CACNA2D3: variants seen among roughly 807,000 people sequenced by gnomAD.
The protein encoded by CACNA2D3 is voltage-dependent calcium channel subunit alpha-2/delta-3.
A neutral mutation model predicts 160.6 loss-of-function variants in CACNA2D3; 60 were observed. That is an observed-to-expected ratio of 0.37 (90% CI 0.30 to 0.46). The LOEUF (loss-of-function observed/expected upper bound fraction) is 0.46. Among genes scored for constraint, CACNA2D3 ranks in the 20% least tolerant of loss-of-function variants. The pLI, the probability that CACNA2D3 is intolerant of heterozygous loss-of-function variation, is 1.00. For synonymous variants in CACNA2D3, 558 were observed against 492.9 expected, an observed-to-expected ratio of 1.13 and a Z score of -1.75; for missense variants, 1,205 against 1,365.0, an observed-to-expected ratio of 0.88 and a Z score of 1.85.
At chr3:54,134,612 G>C (rs1357257551) in intron 2 of CACNA2D3, among the ~76,000 whole-genome samples, 1 of 152,206 alleles carries the variant, frequency 6.6e-6, no homozygotes, top group Non-Finnish European at 1.5e-5. Context: ...GGGCATGGAT[G>C]CTGCAAAAAG....
intron 4 of CACNA2D3, among the ~76,000 whole-genome samples, chr3:54,457,165 T>C (rs1352603431): frequency 6.6e-6 from 1 of 151,980 alleles, no homozygotes; most frequent in African/African-American, 2.4e-5. Context: ...TTATTTGAAA[T>C]CTTTCTAGTT....
intron 2 of CACNA2D3, among the ~76,000 whole-genome samples, chr3:54,171,507 A>G (rs915286262): frequency 2.6e-5 from 4 of 152,158 alleles, no homozygotes; most frequent in African/African-American, 4.8e-5. Flanking sequence ...GAAATATTTT[A>G]TCTCCAACTC....
intron 2 of CACNA2D3, among the ~76,000 whole-genome samples, chr3:54,201,383 A>T (rs1014688386): frequency 1.3e-5 from 2 of 152,196 alleles, no homozygotes; most frequent in Non-Finnish European, 2.9e-5. Flanking sequence ...TTGAATAAGA[A>T]TATTGCTCTA....
intron 13 of CACNA2D3, among the ~76,000 whole-genome samples, chr3:54,812,800 G>A (rs760713530): frequency 6.6e-6 from 1 of 152,110 alleles, no homozygotes; most frequent in Non-Finnish European, 1.5e-5. Flanking sequence ...TCCTGACTGG[G>A]GTGACCTTGG....
intron 2 of CACNA2D3, among the ~76,000 whole-genome samples, chr3:54,293,632 C>G (rs1267135096): frequency 6.6e-6 from 1 of 151,828 alleles, no homozygotes; most frequent in African/African-American, 2.4e-5. Context: ...AAGGAACAAG[C>G]TAGAGGCATA....
At chr3:54,246,908 A>G (rs1229278364) in intron 2 of CACNA2D3, among the ~76,000 whole-genome samples, 3 of 152,240 alleles carry the variant, frequency 2.0e-5, no homozygotes, top group Non-Finnish European at 4.4e-5. Context: ...TGTATAAAGG[A>G]TGGAGGTGTA....
chr3:54,280,691 C>T (rs1461522003), intron 2 of CACNA2D3, among the ~76,000 whole-genome samples: 3 of 152,182 alleles, frequency 2.0e-5, no homozygotes, highest in Admixed American at 1.3e-4. Flanking sequence ...AACAACCCTT[C>T]CCGACTCTGT....
chr3:54,927,631 C>T (rs779006031), intron 27 of CACNA2D3, among the ~76,000 whole-genome samples: 27 of 152,224 alleles, frequency 1.8e-4, no homozygotes, highest in Middle Eastern at 6.8e-3. Context: ...GAATAATATA[C>T]GAACTCCAAC....
chr3:54,399,923 C>G lies in CACNA2D3; in HGVS notation c.381+13149C>G, dbSNP rs1420254602. Among the ~76,000 whole-genome samples, 3 of 120,948 alleles carry G rather than the reference C, an allele frequency of 2.5e-5. 1 individual carries two copies. The highest frequency in any genetic ancestry group is 3.2e-5 in the African/African-American group (1 of 30,928). The allele number at this position is 120,948 out of a possible 152,430, so 79.3% of individuals were successfully genotyped here. On this transcript the variant is annotated intron_variant, in intron 4 of 37. Coordinates refer to ENST00000474759, the MANE Select transcript of CACNA2D3 (RefSeq NM_018398.3). ...CCTCGTTGCCGCCTTGCAGTTTGAT[C>G]TCAGACTGCTGTGCTAGCAATCAGC... is the stretch of plus-strand genomic sequence containing the variant.
intron 13 of CACNA2D3, among the ~76,000 whole-genome samples, chr3:54,797,504 G>T (rs1440539839): frequency 2.0e-5 from 3 of 152,170 alleles, no homozygotes; most frequent in African/African-American, 7.2e-5. Flanking sequence ...TCTGAGGACA[G>T]CATTTAAAGT....
intron 4 of CACNA2D3, among the ~76,000 whole-genome samples, chr3:54,445,555 T>TATACACACACAC (rs1491119916): frequency 6.8e-6 from 1 of 147,110 alleles, no homozygotes; most frequent in Admixed American, 6.8e-5. Flanking sequence ...TTTCTATGTA[T>TATACACACACAC]ACACACACAC....
At chr3:54,643,312 C>G (rs1452221780) in intron 11 of CACNA2D3, among the ~76,000 whole-genome samples, 2 of 152,188 alleles carry the variant, frequency 1.3e-5, no homozygotes, top group African/African-American at 4.8e-5. Context: ...TCTATATTCC[C>G]TTAGTCACTG....
At chr3:54,319,193 CA>C (rs1176923277) in intron 2 of CACNA2D3, among the ~76,000 whole-genome samples, 2 of 150,954 alleles carry the variant, frequency 1.3e-5, no homozygotes, top group African/African-American at 2.4e-5. Flanking sequence ...CACACACACA[CA>C]CACACACCCT....
chr3:54,136,690 C>T (rs1046553345), intron 2 of CACNA2D3, among the ~76,000 whole-genome samples: 5 of 152,212 alleles, frequency 3.3e-5, no homozygotes, highest in African/African-American at 4.8e-5. Flanking sequence ...TTTATACTGC[C>T]GACCCTGCTG....
chr3:54,950,571 A>C (rs543389061), intron 27 of CACNA2D3, among the ~76,000 whole-genome samples: 5 of 152,304 alleles, frequency 3.3e-5, no homozygotes, highest in South Asian at 4.1e-4. Context: ...CAGCAATTCA[A>C]AGAATGCTGC....
chr3:54,594,695 G>C (rs1300203759), intron 9 of CACNA2D3, among the ~76,000 whole-genome samples: 1 of 152,190 alleles, frequency 6.6e-6, no homozygotes, highest in Non-Finnish European at 1.5e-5. Flanking sequence ...AATAGAGATA[G>C]AGATAAGAAA....
chr3:54,456,583 T>C (rs1383016680), intron 4 of CACNA2D3, among the ~76,000 whole-genome samples: 1 of 151,996 alleles, frequency 6.6e-6, no homozygotes, highest in Non-Finnish European at 1.5e-5. Context: ...GTTGGTGTTG[T>C]GTCCTTGTCT....
chr3:54,598,093 C>T (rs1212234645), intron 9 of CACNA2D3, among the ~76,000 whole-genome samples: 3 of 151,204 alleles, frequency 2.0e-5, no homozygotes, highest in Non-Finnish European at 4.4e-5. Context: ...AATTTGAGAC[C>T]AGCCTGGTCA....
At chr3:54,506,025 G>A (rs1318301479) in intron 5 of CACNA2D3, among the ~76,000 whole-genome samples, 2 of 152,218 alleles carry the variant, frequency 1.3e-5, no homozygotes, top group African/African-American at 4.8e-5. Flanking sequence ...ACCCAGCCAG[G>A]CTGTGGGGCA....
Sources: allele counts gnomAD v4.1 joint callset (sites outside exome capture counted in the v4.1 genomes callset), GRCh38; gene constraint gnomAD v4.1.1; transcripts MANE v1.5; gene names NCBI Gene and HGNC (gene_info 2026-07-23, HGNC 2026-07-21).